OXR1: variants seen among roughly 807,000 people sequenced by gnomAD.
OXR1 encodes the protein oxidation resistance 1.
A neutral mutation model predicts 104.6 loss-of-function variants in OXR1; 41 were observed. That is an observed-to-expected ratio of 0.39 (90% CI 0.31 to 0.51). OXR1 has a LOEUF of 0.51. Ranked by LOEUF, OXR1 falls within the 20% of genes least tolerant of loss-of-function variation. The probability of loss-of-function intolerance (pLI) is 0.77; values close to 1 mark genes in which losing one functional copy is unlikely to be tolerated. For synonymous variants in OXR1, 348 were observed against 348.4 expected, an observed-to-expected ratio of 1.00 and a Z score of 0.01; for missense variants, 955 against 1,031.9, an observed-to-expected ratio of 0.93 and a Z score of 1.02.
intron 2 of OXR1, among the ~76,000 whole-genome samples, chr8:106,491,752 C>T (rs919841603): frequency 2.0e-5 from 3 of 152,114 alleles, no homozygotes; most frequent in Admixed American, 1.3e-4. Flanking sequence ...GCAATTGTGT[C>T]AACCTCATGT....
At chr8:106,273,999 TACA>T (rs1454972057) in intron 1 of OXR1, among the ~76,000 whole-genome samples, 1 of 152,232 alleles carries the variant, frequency 6.6e-6, no homozygotes, top group African/African-American at 2.4e-5. Flanking sequence ...TAATTAAAAT[TACA>T]ACTTGTAAGT....
In OXR1 at chr8:106,533,020, G is replaced by C. The variant is rs549290602; in HGVS notation, c.220+13881G>C. On this transcript the variant is annotated intron_variant, in intron 3 of 16. Transcript: ENST00000517566. ...ATTTCCTTACTTTTTACCTGACATC[G>C]TTTTTCTTTTCCAGGATCCTATCCA... 2.0e-5 allele frequency among the ~76,000 whole-genome samples: 3 copies of C among 152,168 alleles called. No homozygotes were observed. In the East Asian group the frequency reaches 5.8e-4, roughly 29 times the overall value.
intron 11 of OXR1, among the ~76,000 whole-genome samples, chr8:106,715,221 A>G (rs10089357): frequency 0.14 from 21,125 of 151,742 alleles, 1,789 homozygotes; most frequent in East Asian, 0.37. Context: ...AACATATACT[A>G]TGTAATTTCA....
chr8:106,746,683 T>G (rs1404266443), intron 16 of OXR1, among the ~76,000 whole-genome samples: 2 of 152,208 alleles, frequency 1.3e-5, no homozygotes, highest in Non-Finnish European at 2.9e-5. Flanking sequence ...AGTAGGTGTT[T>G]GGAGGATATA....
chr8:106,612,173 G>GA (rs942803744), intron 3 of OXR1, among the ~76,000 whole-genome samples: 21 of 151,154 alleles, frequency 1.4e-4, no homozygotes, highest in African/African-American at 4.9e-4. Flanking sequence ...ACCTTTTGTA[G>GA]AAAAAAATAT....
intron 3 of OXR1, among the ~76,000 whole-genome samples, chr8:106,638,333 C>G (rs895252441): frequency 2.0e-5 from 3 of 151,492 alleles, no homozygotes; most frequent in Admixed American, 1.3e-4. Flanking sequence ...CGTATTTTAT[C>G]TATTCTAACC....
intron 7 of OXR1, among the ~76,000 whole-genome samples, chr8:106,702,187 T>A (rs1830641972): frequency 6.6e-6 from 1 of 152,226 alleles, no homozygotes; most frequent in Non-Finnish European, 1.5e-5. Context: ...CAGGAACTCC[T>A]GGCCTCAAGT....
chr8:106,648,337 A>C (rs1489980514), intron 3 of OXR1, among the ~76,000 whole-genome samples: 1 of 152,232 alleles, frequency 6.6e-6, no homozygotes, highest in African/African-American at 2.4e-5. Flanking sequence ...GCAATCAAAG[A>C]ATAGTCCCCT....
At chr8:106,490,498 A>G (rs1811006826) in intron 2 of OXR1, among the ~76,000 whole-genome samples, 1 of 152,120 alleles carries the variant, frequency 6.6e-6, no homozygotes. Context: ...AGCTGGGACT[A>G]CAGGCCTGCG....
At chr8:106,402,994 G>C (rs1162710253) in intron 2 of OXR1, among the ~76,000 whole-genome samples, 2 of 151,988 alleles carry the variant, frequency 1.3e-5, no homozygotes, top group Non-Finnish European at 2.9e-5. Flanking sequence ...CTAAATTTTT[G>C]TATTTTTAGT....
chr8:106,565,401 C>A (rs1282776867), intron 3 of OXR1, among the ~76,000 whole-genome samples: 2 of 152,000 alleles, frequency 1.3e-5, no homozygotes. Context: ...AATAAAATAC[C>A]TAGGAATACA....
In OXR1 at chr8:106,726,776, C is replaced by T. The variant is rs1045598167; in HGVS notation, c.1957-10744C>T. 3.3e-5 allele frequency among the ~76,000 whole-genome samples: 5 copies of T among 152,078 alleles called. No homozygotes were observed. In the East Asian group the frequency reaches 9.6e-4, roughly 29 times the overall value. ...TTTTTTAAGCTGTTCAAAAAGTTTT[C>T]AGGCAATGCTACCTAATACAAATCT... On this transcript the variant is annotated intron_variant, in intron 11 of 16. Coordinates refer to ENST00000517566, the MANE Select transcript of OXR1 (RefSeq NM_001198533.2).
chr8:106,332,411 C>A (rs1814756311), intron 1 of OXR1, among the ~76,000 whole-genome samples: 1 of 152,036 alleles, frequency 6.6e-6, no homozygotes. Context: ...TTGATTTTTG[C>A]CAATGCCCAA....
intron 11 of OXR1, among the ~76,000 whole-genome samples, chr8:106,721,271 T>TC (rs1465414412): frequency 6.6e-6 from 1 of 152,028 alleles, no homozygotes; most frequent in East Asian, 1.9e-4. Flanking sequence ...TCATCTCTAA[T>TC]TTTATACCAC....
At chr8:106,394,624 A>G (rs969281419) in intron 2 of OXR1, among the ~76,000 whole-genome samples, 2 of 152,148 alleles carry the variant, frequency 1.3e-5, no homozygotes, top group African/African-American at 4.8e-5. Context: ...ATTGATTTTA[A>G]CAATATCATG....
chr8:106,571,186 C>G (rs540465239), intron 3 of OXR1, among the ~76,000 whole-genome samples: 1 of 151,932 alleles, frequency 6.6e-6, no homozygotes, highest in Non-Finnish European at 1.5e-5. Flanking sequence ...TTAGTTCGGG[C>G]TGCTGTAACA....
intron 1 of OXR1, among the ~76,000 whole-genome samples, chr8:106,336,569 G>A (rs1176071924): frequency 6.6e-6 from 1 of 152,172 alleles, no homozygotes; most frequent in African/African-American, 2.4e-5. Flanking sequence ...TCAAACTGAT[G>A]AATTGGAATC....
intron 2 of OXR1, among the ~76,000 whole-genome samples, chr8:106,512,934 T>G (rs1310418246): frequency 6.6e-6 from 1 of 152,142 alleles, no homozygotes; most frequent in Non-Finnish European, 1.5e-5. Context: ...GGAGAAACCC[T>G]CCACAGTGAG....
intron 1 of OXR1, chr8:106,272,445 G>A (rs1315564721): frequency 6.6e-6 from 1 of 152,194 alleles, no homozygotes. Context: ...ATAACTAAAA[G>A]GTCCAGTCCC....
Sources: allele counts gnomAD v4.1 joint callset (sites outside exome capture counted in the v4.1 genomes callset), GRCh38; gene constraint gnomAD v4.1.1; transcripts MANE v1.5; gene names NCBI Gene and HGNC (gene_info 2026-07-23, HGNC 2026-07-21).